The following THOC2 variants were observed in gnomAD, a reference collection of about 807,000 sequenced individuals.
THOC2 encodes the protein THO complex subunit 2.
Under a neutral mutation model 128.4 loss-of-function variants are expected in THOC2, and 10 were observed. The ratio of observed to expected loss-of-function variants is 0.08; its 90% CI spans 0.05 to 0.13. The LOEUF is 0.13. Among genes scored for constraint, THOC2 ranks in the 10% least tolerant of loss-of-function variants. The pLI is 1.00. For synonymous variants in THOC2, 393 were observed against 396.9 expected (o/e 0.99, Z 0.12); for missense variants, 535 against 1,155.7 (o/e 0.46, Z 7.79).
At chrX:123,724,551 G>A (rs1219004039) in intron 1 of THOC2, among the ~76,000 whole-genome samples, 1 of 110,182 alleles carries the variant, frequency 9.1e-6, no homozygotes, top group Non-Finnish European at 1.9e-5. Context: ...TGGACGCAGT[G>A]GTGCGCACCT....
rs2050790709 is a variant in THOC2, at chrX:123,703,653, C to T, written c.223-148G>A. 4 of 313,510 alleles carry T rather than the reference C, an allele frequency of 1.3e-5. No individual in the cohort carries two copies. In the East Asian group the frequency reaches 2.2e-4, roughly 17 times the overall value. The allele number at this position is 313,510 out of a possible 1,213,427, so 25.8% of individuals were successfully genotyped here. On this transcript the variant is annotated intron_variant, in intron 3 of 38. Coordinates refer to ENST00000245838, the MANE Select transcript of THOC2 (RefSeq NM_001081550.2). ...CTGTAATCCCAGCACTTTGGGAGGC[C>T]GAGGAGGGCAGATGACTTGAGCCCA...
intron 33 of THOC2, among the ~76,000 whole-genome samples, chrX:123,617,004 G>A (rs1380827943): frequency 1.8e-5 from 2 of 110,999 alleles, no homozygotes; most frequent in East Asian, 5.6e-4. Context: ...TATGAAAATA[G>A]ATGCGTATCT....
At chrX:123,625,540 A>C (rs2047239430) in intron 25 of THOC2, among the ~76,000 whole-genome samples, 1 of 107,793 alleles carries the variant, frequency 9.3e-6, no homozygotes, top group South Asian at 4.0e-4. Flanking sequence ...TTTTTTGAGA[A>C]GTGAAGGTTA....
At chrX:123,668,990 C>T (rs2049154392) in intron 9 of THOC2, among the ~76,000 whole-genome samples, 1 of 111,438 alleles carries the variant, frequency 9.0e-6, no homozygotes, top group African/African-American at 3.3e-5. Context: ...ACAAAGAAAA[C>T]TTTAGGCAAC....
chrX:123,728,969 T>C (rs2148005405), intron 1 of THOC2, among the ~76,000 whole-genome samples: 1 of 111,985 alleles, frequency 8.9e-6, no homozygotes, highest in African/African-American at 3.2e-5. Flanking sequence ...AAATGCTGAG[T>C]TCACTGTGTT....
At chrX:123,678,740 T>C (rs1380319010) in intron 8 of THOC2, among the ~76,000 whole-genome samples, 1 of 110,548 alleles carries the variant, frequency 9.0e-6, no homozygotes, top group Non-Finnish European at 1.9e-5. Context: ...TGGTCCATTG[T>C]TGACCGAAAC....
intron 1 of THOC2, among the ~76,000 whole-genome samples, chrX:123,719,668 G>A (rs1425107414): frequency 9.1e-6 from 1 of 109,945 alleles, no homozygotes; most frequent in Non-Finnish European, 1.9e-5. Context: ...CAGGCACGGT[G>A]GCCCATGCCT....
At chrX:123,721,568 T>G (rs1238244921) in intron 1 of THOC2, among the ~76,000 whole-genome samples, 1 of 107,468 alleles carries the variant, frequency 9.3e-6, no homozygotes, top group African/African-American at 3.4e-5. Flanking sequence ...GGCGGATCAC[T>G]TGAGGTCAGG....
chrX:123,708,275 T>C (rs1432591489), intron 2 of THOC2, among the ~76,000 whole-genome samples: 2 of 111,800 alleles, frequency 1.8e-5, no homozygotes, highest in Non-Finnish European at 3.8e-5. Flanking sequence ...CTAATAATTA[T>C]TCCAATTATT....
intron 8 of THOC2, among the ~76,000 whole-genome samples, chrX:123,678,335 G>A (rs964289422): frequency 9.6e-6 from 1 of 104,557 alleles, no homozygotes; most frequent in Non-Finnish European, 1.9e-5. Context: ...GCACGATCTC[G>A]GCTCACTGCA....
At chrX:123,672,764 C>T (rs761529891) in intron 8 of THOC2, among the ~76,000 whole-genome samples, 65 of 112,104 alleles carry the variant, frequency 5.8e-4, no homozygotes, top group African/African-American at 2.0e-3. Context: ...TTTAACACTG[C>T]TGAGGTCAGA....
At chrX:123,625,774 A>G in intron 25 of THOC2, 138 bp downstream of exon 25, 1 of 615,636 alleles carries the variant, frequency 1.6e-6, no homozygotes, top group Admixed American at 3.3e-5. Context: ...GCTAGAAAGT[A>G]GTAGAGCTAG....
At chrX:123,726,139 G>A (rs915329903) in intron 1 of THOC2, among the ~76,000 whole-genome samples, 1 of 110,863 alleles carries the variant, frequency 9.0e-6, no homozygotes, top group African/African-American at 3.3e-5. Context: ...AACCCAGGAA[G>A]CGGAGGTTGT....
At chrX:123,720,025 T>C (rs1222307035) in intron 1 of THOC2, among the ~76,000 whole-genome samples, 1 of 111,196 alleles carries the variant, frequency 9.0e-6, no homozygotes, top group Non-Finnish European at 1.9e-5. Flanking sequence ...TGCAGGCCTA[T>C]AGTCCCAGTT....
chrX:123,697,246 T>A (rs2050482218), intron 5 of THOC2, among the ~76,000 whole-genome samples: 1 of 111,969 alleles, frequency 8.9e-6, no homozygotes, highest in Non-Finnish European at 1.9e-5. Context: ...TTCTCCCTGG[T>A]TCTAAATTTA....
At chrX:123,715,603 GA>G (rs1356095541) in intron 1 of THOC2, among the ~76,000 whole-genome samples, 6 of 107,269 alleles carry the variant, frequency 5.6e-5, no homozygotes, top group African/African-American at 2.0e-4. Context: ...GCAACATGGT[GA>G]AACCCTCTCT....
chrX:123,615,654 A>ACAC (rs1556007836), intron 33 of THOC2, among the ~76,000 whole-genome samples: 6 of 102,747 alleles, frequency 5.8e-5, no homozygotes, highest in African/African-American at 2.2e-4. Context: ...CAAAAAAAAA[A>ACAC]ATACACACAC....
intron 12 of THOC2, among the ~76,000 whole-genome samples, chrX:123,649,862 A>G (rs2048286375): frequency 8.9e-6 from 1 of 111,785 alleles, no homozygotes; most frequent in South Asian, 3.7e-4. Context: ...AGAGAATGGA[A>G]CCAAGTTGGA....
At chrX:123,624,401 A>G (rs2047186547) in intron 26 of THOC2, 140 bp downstream of exon 26, 1 of 758,712 alleles carries the variant, frequency 1.3e-6, no homozygotes, top group Non-Finnish European at 1.9e-6. Flanking sequence ...CATTTTAATA[A>G]CAAATTAATT....
Sources: gnomAD v4.1 joint callset for allele counts (sites outside exome capture counted in the v4.1 genomes callset) on GRCh38, gnomAD v4.1.1 for gene constraint, MANE v1.5 for transcripts, NCBI Gene and HGNC (gene_info 2026-07-23, HGNC 2026-07-21) for gene names.